Variants in CDCA2 observed in about 807,000 individuals in gnomAD.
The protein encoded by CDCA2 is cell division cycle associated 2, also known as cell division cycle-associated protein 2.
CDCA2 carries 44 observed loss-of-function variants against 67.0 expected under a neutral mutation model. The observed-to-expected ratio is 0.66, with a 90% CI of 0.52 to 0.84. The LOEUF is 0.84. Among genes scored for constraint, CDCA2 ranks in the 40% least tolerant of loss-of-function variants. The probability of loss-of-function intolerance (pLI) is 0.00; values close to 1 mark genes in which losing one functional copy is unlikely to be tolerated. For synonymous variants in CDCA2, 447 were observed against 418.7 expected (o/e 1.07, Z -0.82); for missense variants, 1,253 against 1,203.2 (o/e 1.04, Z -0.61).
rs766832080 is a variant in CDCA2, at chr8:25,507,716, A to G, written c.3050A>G (p.His1017Arg). The change falls in exon 15 of 15, where the codon CAT (histidine) becomes CGT (arginine). Residue 1017 changes from histidine (H) to arginine (R), a missense_variant. His to Arg is a conservative substitution (Grantham distance 29, BLOSUM62 0). Transcript: ENST00000330560. ...SSLTALERIE[H>R]NGERKQ is the part of the protein sequence containing the mutation. ...CTGACTGCCTTGGAAAGGATTGAACATAATGGAGAAAGAAAGCAGTAATTG... is the reference window on the plus strand; with the variant it reads ...CTGACTGCCTTGGAAAGGATTGAACGTAATGGAGAAAGAAAGCAGTAATTG... The G allele has an allele frequency of 1.9e-5, 30 of 1,610,314 alleles. No individual in the cohort carries two copies. Among genetic ancestry groups the G allele is most frequent in the Non-Finnish European group, 2.5e-5 (29 of 1,179,076 alleles).
upstream of CDCA2, chr8:25,458,957 G>C (rs1027843033): frequency 1.3e-5 from 2 of 152,432 alleles, no homozygotes; most frequent in African/African-American, 4.8e-5. Flanking sequence ...GAGTTAAAGC[G>C]CTAAGAGAAG....
intron 5 of CDCA2, among the ~76,000 whole-genome samples, chr8:25,466,555 G>A (rs1730205394): frequency 6.6e-6 from 1 of 152,096 alleles, no homozygotes; most frequent in Admixed American, 6.5e-5. Context: ...CCGCATGGTT[G>A]CAATTAAATT....
At chr8:25,479,559 G>C (rs1803484767) in intron 7 of CDCA2, 1 of 286,860 alleles carries the variant, frequency 3.5e-6, no homozygotes, top group Non-Finnish European at 6.7e-6. Flanking sequence ...GCTTGGCTCA[G>C]ATTAGTTTTT....
At chr8:25,478,888 G>GTGTGTATATATATATATATATATA (rs1006353040) in intron 7 of CDCA2, among the ~76,000 whole-genome samples, 3 of 111,598 alleles carry the variant, frequency 2.7e-5, no homozygotes, top group Admixed American at 8.6e-5. Flanking sequence ...TTGTGTGTGT[G>GTGTGTATATATATATATATATATA]TATATATATA....
At chr8:25,483,327 ACTG>A in intron 8 of CDCA2, 69 bp from the exon 9 acceptor site, 1 of 924,004 alleles carries the variant, frequency 1.1e-6, no homozygotes, top group Admixed American at 2.7e-5. Context: ...GAATTTCAAA[ACTG>A]CTGTTCTTAA....
chr8:25,485,575 G>A (rs1803742699), intron 10 of CDCA2, among the ~76,000 whole-genome samples, 184 bp from the exon 11 acceptor site: 1 of 152,062 alleles, frequency 6.6e-6, no homozygotes, highest in Non-Finnish European at 1.5e-5. Context: ...TTGGTAAATG[G>A]TATACATATA....
At position 25,468,263 on chromosome 8, in the gene CDCA2, A is replaced by G; in HGVS notation, c.585A>G (p.Ala195=). The change falls in exon 6 of 15, where the codon GCA becomes GCG. Residue 195 remains alanine, a synonymous_variant. Transcript: ENST00000330560. ...CTTGCCAGCAGTCTGGGTTCCCTGCAGTGTTGTCCTCCAAACGTCGGAGAA... is the reference window on the plus strand; with the variant it reads ...CTTGCCAGCAGTCTGGGTTCCCTGCGGTGTTGTCCTCCAAACGTCGGAGAA... The part of the protein sequence containing the change: ...LSACQQSGFP[A]VLSSKRRRIS... 2 of 1,613,464 alleles carry G rather than the reference A, an allele frequency of 1.2e-6. No individual in the cohort carries two copies. The highest frequency in any genetic ancestry group is 1.7e-6 in the Non-Finnish European group (2 of 1,179,706).
At chr8:25,460,341 A>G (rs760178983) in intron 2 of CDCA2, 41 bp downstream of exon 2, 1 of 1,614,144 alleles carries the variant, frequency 6.2e-7, no homozygotes, top group South Asian at 1.1e-5. Context: ...GAAGGTTTAG[A>G]CAGAGAGTTG....
chr8:25,478,914 T>A (rs907269519), intron 7 of CDCA2, among the ~76,000 whole-genome samples: 30 of 140,376 alleles, frequency 2.1e-4, no homozygotes, highest in Admixed American at 7.6e-4. Flanking sequence ...ATATATATAT[T>A]AACTTTTTAC....
chr8:25,465,215 C>G (rs542609443), intron 4 of CDCA2, among the ~76,000 whole-genome samples: 4 of 152,250 alleles, frequency 2.6e-5, no homozygotes, highest in African/African-American at 9.6e-5. Context: ...CTCAAGTGAT[C>G]CTCCCACCTT....
rs1388124758 is a variant in CDCA2, at chr8:25,479,214, G to A, written c.821-699G>A. Among the ~76,000 whole-genome samples the A allele has an allele frequency of 5.9e-5, 9 of 152,188 alleles. No individual in the cohort carries two copies. The East Asian group carries it at 1.7e-3, about 29-fold the overall frequency. ...ATGGTTCTGTCCTGAGGATCCTCAT[G>A]TTACCCTTCATAGCCATCACTCTTT... On this transcript the variant is annotated intron_variant, in intron 7 of 14. Transcript: ENST00000330560.
At chr8:25,468,504 G>C (rs1803015724) in intron 6 of CDCA2, 91 bp downstream of exon 6, 1 of 992,464 alleles carries the variant, frequency 1.0e-6, no homozygotes, top group Admixed American at 1.9e-5. Context: ...TTCAATTTTA[G>C]TACCTTGTTC....
intron 13 of CDCA2, among the ~76,000 whole-genome samples, chr8:25,489,560 T>G (rs1803920733): frequency 6.6e-6 from 1 of 152,114 alleles, no homozygotes; most frequent in Non-Finnish European, 1.5e-5. Context: ...CACACAGGAG[T>G]TGGGGATAGT....
intron 13 of CDCA2, among the ~76,000 whole-genome samples, chr8:25,495,932 G>A (rs576274062): frequency 2.0e-5 from 3 of 152,132 alleles, no homozygotes; most frequent in African/African-American, 4.8e-5. Flanking sequence ...GGAAATAAGA[G>A]TAGAAACTCA....
intron 3 of CDCA2, among the ~76,000 whole-genome samples, chr8:25,461,298 CAG>C (rs1462455378): frequency 8.1e-5 from 11 of 135,230 alleles, no homozygotes; most frequent in Admixed American, 7.4e-4. Context: ...AAAACACAAA[CAG>C]AAGATTGATT....
At chr8:25,483,362 A>C (rs1803641912) in intron 8 of CDCA2, 37 bp from the exon 9 acceptor site, 1 of 1,354,680 alleles carries the variant, frequency 7.4e-7, no homozygotes. Flanking sequence ...ATGTATTTCT[A>C]TATGTAAAAT....
chr8:25,487,479 C>A (rs532049885), intron 12 of CDCA2, 145 bp downstream of exon 12: 1 of 594,844 alleles, frequency 1.7e-6, no homozygotes, highest in African/African-American at 1.9e-5. Flanking sequence ...CCGTGGTTCA[C>A]GCCTGTAATC....
rs1804745515 is a variant in CDCA2 at position 25,507,751 on chromosome 8, G to A, written c.*13G>A. On this transcript the variant is annotated 3_prime_UTR_variant, in exon 15 of 15. Coordinates refer to ENST00000330560, the MANE Select transcript of CDCA2 (RefSeq NM_152562.4). ...AAGAAAGCAGTAATTGACATTTCCT[G>A]CAGAGTCTGTGGCAAGAGGGAAAGT... is the stretch of plus-strand genomic sequence containing the variant. 6.2e-7 allele frequency: 1 copy of A among 1,602,266 alleles called. No homozygotes were observed. Among genetic ancestry groups the A allele is most frequent in the Non-Finnish European group, 8.5e-7 (1 of 1,175,294 alleles).
intron 13 of CDCA2, among the ~76,000 whole-genome samples, chr8:25,492,417 T>G (rs558288311): frequency 1.3e-5 from 2 of 152,134 alleles, no homozygotes; most frequent in East Asian, 3.9e-4. Context: ...CAGTCCAAAT[T>G]TGAGCAGGGA....
Sources: gnomAD v4.1 joint callset for allele counts (sites outside exome capture counted in the v4.1 genomes callset) on GRCh38, gnomAD v4.1.1 for gene constraint, MANE v1.5 for transcripts, NCBI Gene and HGNC (gene_info 2026-07-23, HGNC 2026-07-21) for gene names.